The following PDGFRA variants were observed in gnomAD, a reference collection of about 807,000 sequenced individuals.
The protein encoded by PDGFRA is platelet derived growth factor receptor alpha.
A neutral mutation model predicts 121.5 loss-of-function variants in PDGFRA; 25 were observed. The observed-to-expected ratio is 0.21, with a 90% CI of 0.15 to 0.29. The LOEUF is 0.29. Among genes scored for constraint, PDGFRA ranks in the 10% least tolerant of loss-of-function variants. The pLI is 1.00. For synonymous variants in PDGFRA, 463 were observed against 494.8 expected (o/e 0.94, Z 0.85); for missense variants, 1,008 against 1,345.1 (o/e 0.75, Z 3.92).
intron 1 of PDGFRA, among the ~76,000 whole-genome samples, chr4:54,256,870 G>C (rs112165467): frequency 1.6e-4 from 25 of 152,164 alleles, no homozygotes; most frequent in African/African-American, 5.8e-4. Context: ...TTAAAAATGA[G>C]CTGAGTGTGG....
At chr4:54,277,634 G>A (rs1723812108) in intron 13 of PDGFRA, 142 bp downstream of exon 13, 2 of 725,646 alleles carry the variant, frequency 2.8e-6, no homozygotes, top group Admixed American at 4.1e-5. Context: ...GGTTTTATGT[G>A]TATTTAGATT....
At position 54,261,321 on chromosome 4, in the gene PDGFRA, G is replaced by A. The variant is rs140725151; in HGVS notation, c.276G>A (p.Ala92=). The A allele has an allele frequency of 5.0e-4, 811 of 1,613,984 alleles. No individual in the cohort carries two copies. Among genetic ancestry groups the A allele is most frequent in the Non-Finnish European group, 6.6e-4 (780 of 1,179,986 alleles). The change falls in exon 3 of 23, where the codon GCG becomes GCA. Residue 92 remains alanine, a synonymous_variant. Coordinates refer to ENST00000257290, the MANE Select transcript of PDGFRA (RefSeq NM_006206.6). Reference sequence around the variant, plus strand: ...TCTTGGAAGTGAGCAGTGCCTCGGCGGCCCACACAGGGTTGTACACTTGCT... The same window carrying A: ...TCTTGGAAGTGAGCAGTGCCTCGGCAGCCCACACAGGGTTGTACACTTGCT... ...VTVLEVSSAS[A]AHTGLYTCYY...
At chr4:54,294,928 C>A (rs1331603404) in intron 22 of PDGFRA, among the ~76,000 whole-genome samples, 197 bp from the exon 23 acceptor site, 1 of 152,192 alleles carries the variant, frequency 6.6e-6, no homozygotes, top group Non-Finnish European at 1.5e-5. Flanking sequence ...AGCAGGAAAG[C>A]TGAAGAGTAA....
At chr4:54,284,696 C>T (rs1333322457) in intron 16 of PDGFRA, among the ~76,000 whole-genome samples, 1 of 151,860 alleles carries the variant, frequency 6.6e-6, no homozygotes, top group East Asian at 1.9e-4. Context: ...GTGAGAAATT[C>T]ACCCCCATGA....
chr4:54,231,850 T>TC (rs1423504177), intron 1 of PDGFRA, among the ~76,000 whole-genome samples: 3 of 152,180 alleles, frequency 2.0e-5, no homozygotes, highest in Non-Finnish European at 4.4e-5. Context: ...GATCCCAGGC[T>TC]CCCAGCTCTG....
chr4:54,240,372 C>T (rs1303195706), intron 1 of PDGFRA, among the ~76,000 whole-genome samples: 2 of 152,226 alleles, frequency 1.3e-5, no homozygotes, highest in South Asian at 2.1e-4. Context: ...CACTATTGGC[C>T]ACCCCCCAGA....
At chr4:54,279,142 G>T (rs1213190290) in intron 15 of PDGFRA, among the ~76,000 whole-genome samples, 1 of 152,200 alleles carries the variant, frequency 6.6e-6, no homozygotes, top group Non-Finnish European at 1.5e-5. Context: ...AACTGAGAAA[G>T]AATAATGACA....
At chr4:54,249,379 C>T (rs537192632) in intron 1 of PDGFRA, among the ~76,000 whole-genome samples, 4 of 152,134 alleles carry the variant, frequency 2.6e-5, no homozygotes, top group African/African-American at 4.8e-5. Flanking sequence ...GACTTGGAAC[C>T]AACCCAAATA....
intron 1 of PDGFRA, among the ~76,000 whole-genome samples, chr4:54,245,231 C>A (rs1476829529): frequency 6.6e-6 from 1 of 152,008 alleles, no homozygotes; most frequent in Admixed American, 6.6e-5. Flanking sequence ...CACAAAGATA[C>A]TCCTCGAGAA....
chr4:54,261,059 G>A, intron 2 of PDGFRA, 36 bp from the exon 3 acceptor site: 1 of 1,590,452 alleles, frequency 6.3e-7, no homozygotes, highest in Non-Finnish European at 8.6e-7. Context: ...TGTCCTTTCT[G>A]ACTGCATCCT....
chr4:54,257,236 G>A (rs1722425165), intron 1 of PDGFRA, among the ~76,000 whole-genome samples: 1 of 151,626 alleles, frequency 6.6e-6, no homozygotes, highest in Non-Finnish European at 1.5e-5. Flanking sequence ...TACCCTATAT[G>A]GTGGAAAAAG....
intron 15 of PDGFRA, among the ~76,000 whole-genome samples, chr4:54,279,889 T>C (rs1162260661): frequency 6.8e-6 from 1 of 148,064 alleles, no homozygotes; most frequent in East Asian, 1.9e-4. Context: ...ATTCATTCCT[T>C]TTTATAGCTG....
intron 1 of PDGFRA, among the ~76,000 whole-genome samples, chr4:54,234,828 C>A (rs1205403802): frequency 2.6e-5 from 4 of 152,098 alleles, no homozygotes; most frequent in African/African-American, 9.7e-5. Context: ...GAGTCACACC[C>A]GTTTGGTGAT....
At chr4:54,263,158 AAG>A (rs750141840) in intron 3 of PDGFRA, among the ~76,000 whole-genome samples, 8 of 152,376 alleles carry the variant, frequency 5.3e-5, no homozygotes, top group Admixed American at 3.3e-4. Flanking sequence ...TATAGGTGGT[AAG>A]AGTTTTTAAA....
At chr4:54,269,504 TACACACACACACAC>T (rs141245838) in intron 7 of PDGFRA, among the ~76,000 whole-genome samples, 16 of 142,288 alleles carry the variant, frequency 1.1e-4, no homozygotes, top group Admixed American at 6.2e-4. Flanking sequence ...TGCACATACA[TACACACACACACAC>T]ACACACACAC....
At chr4:54,293,796 C>T (rs1440347360) in intron 22 of PDGFRA, among the ~76,000 whole-genome samples, 1 of 152,042 alleles carries the variant, frequency 6.6e-6, no homozygotes, top group Non-Finnish European at 1.5e-5. Flanking sequence ...CACTGGCTGA[C>T]GTGGTCAGAT....
intron 1 of PDGFRA, among the ~76,000 whole-genome samples, chr4:54,252,312 G>T (rs1387587420): frequency 6.6e-6 from 1 of 152,164 alleles, no homozygotes; most frequent in African/African-American, 2.4e-5. Flanking sequence ...TTTTACTGTT[G>T]TGGAATATAT....
intron 16 of PDGFRA, chr4:54,281,867 T>C: frequency 7.4e-6 from 9 of 1,222,422 alleles, no homozygotes; most frequent in Non-Finnish European, 9.3e-6. Context: ...TCATTGGCAC[T>C]GATCTCTAAG....
At chr4:54,275,858 C>T (rs753300084) in intron 12 of PDGFRA, among the ~76,000 whole-genome samples, 4 of 152,206 alleles carry the variant, frequency 2.6e-5, no homozygotes, top group Admixed American at 6.5e-5. Context: ...CCTTCCTGGG[C>T]ATAGGCCGAA....
Sources: gnomAD v4.1 joint callset for allele counts (sites outside exome capture counted in the v4.1 genomes callset) on GRCh38, gnomAD v4.1.1 for gene constraint, MANE v1.5 for transcripts, NCBI Gene and HGNC (gene_info 2026-07-23, HGNC 2026-07-21) for gene names.